Variants in PTPRD observed in about 807,000 individuals in gnomAD.
PTPRD encodes receptor-type tyrosine-protein phosphatase delta.
A neutral mutation model predicts 214.5 loss-of-function variants in PTPRD; 34 were observed. That is an observed-to-expected ratio of 0.16 (90% CI 0.12 to 0.21). The LOEUF is 0.21. Among genes scored for constraint, PTPRD ranks in the 10% least tolerant of loss-of-function variants. PTPRD has a pLI of 1.00. For synonymous variants in PTPRD, 1,128 were observed against 845.7 expected (o/e 1.33, Z -5.79); for missense variants, 2,545 against 2,398.7 (o/e 1.06, Z -1.27).
At chr9:10,402,923 T>C (rs1160801094) in intron 2 of PTPRD, among the ~76,000 whole-genome samples, 2 of 151,492 alleles carry the variant, frequency 1.3e-5, no homozygotes, top group Non-Finnish European at 3.0e-5. Context: ...ATTAGATCTG[T>C]TTGAATTGGT....
Position 9,102,983 on chromosome 9 carries a change from T to G in PTPRD, c.-143+80321A>C, listed in dbSNP as rs141162461. Among the ~76,000 whole-genome samples, 146 of 152,354 alleles carry G rather than the reference T, an allele frequency of 9.6e-4. 1 individual carries two copies. In the East Asian group the frequency reaches 0.027, roughly 28 times the overall value. On this transcript the variant is annotated intron_variant, in intron 10 of 45. Transcript: ENST00000381196. ...TTTATTTGTGTCTTTGGTCAGTTTT[T>G]ATGGTCTCTGTGTCTTTGATACTGC...
chr9:9,197,160 T>C (rs13440065), intron 9 of PTPRD, among the ~76,000 whole-genome samples: 20,534 of 152,220 alleles, frequency 0.13, 1,533 homozygotes, highest in Non-Finnish European at 0.16. Flanking sequence ...GGCAGAGTTA[T>C]CTTCACTTTC....
intron 11 of PTPRD, among the ~76,000 whole-genome samples, chr9:8,781,502 AAAGT>A (rs1440134946): frequency 2.6e-5 from 4 of 152,236 alleles, no homozygotes; most frequent in Admixed American, 1.3e-4. Flanking sequence ...GGCAGGTTTT[AAAGT>A]AAGAGTACAA....
chr9:8,404,694 C>G (rs765455408), intron 35 of PTPRD, 34 bp from the exon 36 acceptor site: 1 of 1,576,686 alleles, frequency 6.3e-7, no homozygotes, highest in African/African-American at 1.3e-5. Context: ...TACACAAAAT[C>G]AATACTGAAA....
chr9:10,543,949 G>T (rs1401968594), intron 2 of PTPRD, among the ~76,000 whole-genome samples: 1 of 151,968 alleles, frequency 6.6e-6, no homozygotes, highest in East Asian at 1.9e-4. Flanking sequence ...AGGTAGAGGA[G>T]GGCAGCAATA....
intron 4 of PTPRD, among the ~76,000 whole-genome samples, chr9:10,029,382 T>C (rs920762707): frequency 6.6e-6 from 1 of 152,124 alleles, no homozygotes; most frequent in Non-Finnish European, 1.5e-5. Flanking sequence ...TGACACCTTA[T>C]ACTGTGCACT....
intron 7 of PTPRD, among the ~76,000 whole-genome samples, chr9:9,717,899 TA>T (rs1487301791): frequency 6.8e-6 from 1 of 147,532 alleles, no homozygotes; most frequent in African/African-American, 2.5e-5. Context: ...ATCAAAAAAT[TA>T]AAAATAAAAT....
intron 9 of PTPRD, among the ~76,000 whole-genome samples, chr9:9,317,227 G>T (rs1178424266): frequency 6.6e-6 from 1 of 152,040 alleles, no homozygotes; most frequent in African/African-American, 2.4e-5. Flanking sequence ...TTCCAAGAAT[G>T]GCATTACTCA....
rs143633492 is a variant in PTPRD, at chr9:9,699,146, G to A, written c.-287+35387C>T. On this transcript the variant is annotated intron_variant, in intron 7 of 45. Coordinates refer to ENST00000381196, the MANE Select transcript of PTPRD (RefSeq NM_002839.4). ...AAAGAACTGATAATTGGCTATTTTC[G>A]TTGTGGTTATCATGGTAACAATAAC... 5.9e-5 allele frequency among the ~76,000 whole-genome samples: 9 copies of A among 152,052 alleles called. No individual in the cohort carries two copies. The East Asian group carries it at 9.7e-4, about 16-fold the overall frequency.
chr9:8,455,480 A>T (rs1407022872), intron 33 of PTPRD, among the ~76,000 whole-genome samples: 2 of 152,188 alleles, frequency 1.3e-5, no homozygotes, highest in Non-Finnish European at 2.9e-5. Flanking sequence ...TTTGAGGCAA[A>T]TTGCAAAGTT....
chr9:9,732,333 G>C (rs2098212001), intron 7 of PTPRD, among the ~76,000 whole-genome samples: 1 of 151,882 alleles, frequency 6.6e-6, no homozygotes, highest in Non-Finnish European at 1.5e-5. Context: ...TCCCACACTG[G>C]TCACATTAAA....
chr9:9,946,627 A>G (rs997001286), intron 4 of PTPRD, among the ~76,000 whole-genome samples: 2 of 152,022 alleles, frequency 1.3e-5, no homozygotes, highest in East Asian at 1.9e-4. Context: ...TCTCCAGACC[A>G]CTGCTCCCCC....
chr9:10,418,560 T>C (rs1248153896), intron 2 of PTPRD, among the ~76,000 whole-genome samples: 1 of 151,588 alleles, frequency 6.6e-6, no homozygotes, highest in Non-Finnish European at 1.5e-5. Context: ...GGCATACCTG[T>C]TAATTTTAAA....
intron 11 of PTPRD, among the ~76,000 whole-genome samples, chr9:8,764,359 T>C (rs527773533): frequency 2.6e-5 from 4 of 152,310 alleles, no homozygotes; most frequent in African/African-American, 9.6e-5. Flanking sequence ...AACACATTAT[T>C]GTTTGGTTTC....
chr9:8,373,118 AGT>A (rs1461816862), intron 39 of PTPRD, among the ~76,000 whole-genome samples: 1 of 151,942 alleles, frequency 6.6e-6, no homozygotes, highest in African/African-American at 2.4e-5. Flanking sequence ...CTTTTTGCAT[AGT>A]TTCTTTCTGC....
chr9:9,986,925 C>G (rs771136290), intron 4 of PTPRD, among the ~76,000 whole-genome samples: 10 of 151,362 alleles, frequency 6.6e-5, no homozygotes, highest in Non-Finnish European at 1.3e-4. Flanking sequence ...AAAAGATACT[C>G]TCTAGAATTC....
intron 2 of PTPRD, among the ~76,000 whole-genome samples, chr9:10,459,352 A>C (rs2098941439): frequency 6.6e-6 from 1 of 152,194 alleles, no homozygotes; most frequent in Non-Finnish European, 1.5e-5. Flanking sequence ...ATTGTGCCGC[A>C]ATAGACATAT....
intron 2 of PTPRD, among the ~76,000 whole-genome samples, chr9:10,368,363 G>A (rs73402273): frequency 0.12 from 17,775 of 152,030 alleles, 1,101 homozygotes; most frequent in South Asian, 0.16. Context: ...GATTTTCTTT[G>A]CTAGAGACAG....
intron 14 of PTPRD, among the ~76,000 whole-genome samples, chr9:8,563,948 G>C (rs1359959185): frequency 6.6e-6 from 1 of 152,210 alleles, no homozygotes; most frequent in Non-Finnish European, 1.5e-5. Context: ...TTGCAGGCGT[G>C]AGGCATTGCA....
Sources: allele counts gnomAD v4.1 joint callset (sites outside exome capture counted in the v4.1 genomes callset), GRCh38; gene constraint gnomAD v4.1.1; transcripts MANE v1.5; gene names NCBI Gene and HGNC (gene_info 2026-07-23, HGNC 2026-07-21).